The following ACTA2 variants were observed in gnomAD, a reference collection of about 807,000 sequenced individuals.
The protein encoded by ACTA2 is actin, aortic smooth muscle.
A neutral mutation model predicts 39.5 loss-of-function variants in ACTA2; 12 were observed. That is an observed-to-expected ratio of 0.30 (90% CI 0.19 to 0.49). The LOEUF (loss-of-function observed/expected upper bound fraction) is 0.49. Ranked by LOEUF, ACTA2 falls within the 20% of genes least tolerant of loss-of-function variation. ACTA2 has a pLI of 0.99. For missense variants in ACTA2, 236 were observed against 498.8 expected, an observed-to-expected ratio of 0.47 and a Z score of 5.02; for synonymous variants, 158 against 180.6, an observed-to-expected ratio of 0.88 and a Z score of 1.00.
In ACTA2 at chr10:88,989,452, C is replaced by A. The variant is rs117215034; in HGVS notation, c.-24+1487G>T. On this transcript the variant is annotated intron_variant, in intron 1 of 4. Coordinates refer to the ACTA2 transcript ENST00000415557. ...ATATACCATCCTCCTTATCCCACTT[C>A]TTTTTGTGTCTATTAGATGCTCAGA... 5.6e-3 allele frequency: 3,034 copies of A among 540,500 alleles called. 16 individuals are homozygous for A. The highest frequency in any genetic ancestry group is 6.9e-3 in the Non-Finnish European group (1,881 of 272,374). 33.5% of individuals were successfully genotyped at this position (540,500 alleles called of 1,614,324 possible).
In ACTA2 at chr10:88,938,048, C is replaced by T; in HGVS notation, c.990+13G>A. The T allele has an allele frequency of 6.2e-7, 1 of 1,613,846 alleles. No homozygotes were observed. The highest frequency in any genetic ancestry group is 8.5e-7 in the Non-Finnish European group (1 of 1,179,858). On this transcript the variant is annotated intron_variant, in intron 8 of 8. Transcript: ENST00000224784. ...CTGGCGGCATTGCCACTGGGTCTGTCACTGAACAGTACCTTGATCTTCATG... is the reference window on the plus strand; with the variant it reads ...CTGGCGGCATTGCCACTGGGTCTGTTACTGAACAGTACCTTGATCTTCATG...
At chr10:88,991,221 G>C (rs887949957) in exon 1 of ACTA2, 6 of 540,634 alleles carry the variant, frequency 1.1e-5, no homozygotes, top group East Asian at 3.1e-5. Flanking sequence ...AGGTGGGCGT[G>C]GGGTGCGGAC....
intron 1 of ACTA2, among the ~76,000 whole-genome samples, chr10:88,960,864 G>A (rs1027504036): frequency 6.6e-6 from 1 of 152,170 alleles, no homozygotes; most frequent in African/African-American, 2.4e-5. Context: ...TACTATTGCT[G>A]CTTATAAGCC....
intron 1 of ACTA2, among the ~76,000 whole-genome samples, chr10:88,972,405 T>A (rs1414264777): frequency 6.6e-6 from 1 of 152,188 alleles, no homozygotes; most frequent in East Asian, 1.9e-4. Flanking sequence ...AGGAAAAAAA[T>A]TGATCTCCTT....
intron 1 of ACTA2, among the ~76,000 whole-genome samples, chr10:88,949,891 AT>A (rs1446702068): frequency 1.3e-5 from 2 of 152,016 alleles, no homozygotes; most frequent in Non-Finnish European, 2.9e-5. Flanking sequence ...GTTCTGTCAT[AT>A]TTTTTTAATT....
intron 1 of ACTA2, among the ~76,000 whole-genome samples, chr10:88,987,774 T>C (rs920217604): frequency 1.3e-5 from 2 of 152,242 alleles, no homozygotes; most frequent in Non-Finnish European, 2.9e-5. Flanking sequence ...GTTAATTTTA[T>C]GTATCAAATT....
Position 88,939,632 on chromosome 10 carries a change from TC to T in ACTA2, c.682del (p.Glu228ArgfsTer22). ...LCYVALDFENEMATAASSSSL... is the reference protein window; with the variant it reads ...LCYVALDFENXMATAASSSSL... ...GGATGAGGATGCGGCAGTGGCCATC[TC>T]ATTTTCAAAGTCCAGAGCTACATAA... On this transcript the variant is annotated frameshift_variant, in exon 7 of 9. Coordinates refer to ENST00000224784, the MANE Select transcript of ACTA2 (RefSeq NM_001613.4). LOFTEE classifies it high-confidence loss of function. 1 of 1,614,106 alleles carries T rather than the reference TC, an allele frequency of 6.2e-7. No individual in the cohort carries two copies. The highest frequency in any genetic ancestry group is 8.5e-7 in the Non-Finnish European group (1 of 1,179,974).
chr10:88,988,168 C>A (rs1444546455), intron 1 of ACTA2, among the ~76,000 whole-genome samples: 1 of 152,076 alleles, frequency 6.6e-6, no homozygotes, highest in Non-Finnish European at 1.5e-5. Context: ...ACTAAAAGAA[C>A]CACTCACATC....
chr10:88,973,200 G>C lies in ACTA2; in HGVS notation c.-24+17739C>G, dbSNP rs1024910258. The C allele has an allele frequency of 2.5e-6, 4 of 1,611,824 alleles. No homozygotes were observed. The African/African-American group carries it at 5.3e-5, about 22-fold the overall frequency. ...CCTATAGATTCAGAAATTCCTTTCT[G>C]GGATAATTTCTGGCACTGCTTTGGA... On this transcript the variant is annotated intron_variant, in intron 1 of 4. Transcript: ENST00000415557.
chr10:88,961,508 T>C (rs1846225496), intron 1 of ACTA2, among the ~76,000 whole-genome samples: 1 of 152,174 alleles, frequency 6.6e-6, no homozygotes, highest in Non-Finnish European at 1.5e-5. Flanking sequence ...ACATATGCAA[T>C]GTGCACTTAG....
At chr10:88,960,776 G>A (rs1212434521) in intron 1 of ACTA2, among the ~76,000 whole-genome samples, 3 of 150,634 alleles carry the variant, frequency 2.0e-5, no homozygotes, top group South Asian at 4.2e-4. Context: ...CGGTGTAAAG[G>A]GTGATTCAGA....
chr10:88,948,759 C>A (rs373332226), intron 2 of ACTA2, 43 bp downstream of exon 2: 35 of 1,612,340 alleles, frequency 2.2e-5, no homozygotes, highest in Non-Finnish European at 2.9e-5. Context: ...CACAGAGGAA[C>A]CTAATCTGTG....
intron 8 of ACTA2, 49 bp downstream of exon 8, chr10:88,938,012 G>T: frequency 6.2e-7 from 1 of 1,605,466 alleles, no homozygotes; most frequent in Non-Finnish European, 8.5e-7. Flanking sequence ...GTGGTTATAG[G>T]GCTGACACTG....
chr10:88,939,406 G>A (rs762014145), intron 7 of ACTA2, 101 bp downstream of exon 7: 8 of 1,483,892 alleles, frequency 5.4e-6, no homozygotes, highest in South Asian at 1.1e-5. Flanking sequence ...AATGCTTTTG[G>A]TCTTGGGGCA....
chr10:88,966,402 G>A (rs916280495), intron 1 of ACTA2, among the ~76,000 whole-genome samples: 3 of 152,152 alleles, frequency 2.0e-5, no homozygotes, highest in African/African-American at 4.8e-5. Flanking sequence ...TGGCTTTGAA[G>A]AGTTCACTAA....
rs1364963518 is a variant in ACTA2, at chr10:88,945,722, G to A, written c.258+1536C>T. Among the ~76,000 whole-genome samples the A allele has an allele frequency of 9.2e-5, 14 of 152,246 alleles. No individual in the cohort carries two copies. In the East Asian group the frequency reaches 2.7e-3, roughly 29 times the overall value. On this transcript the variant is annotated intron_variant, in intron 3 of 8. Coordinates refer to ENST00000224784, the MANE Select transcript of ACTA2 (RefSeq NM_001613.4). ...TGGCTCTTGTGCTTCAGTGTGTGGA[G>A]AGGCATTCAGAAATGTACCAAACCT...
chr10:88,935,382 A>G lies in ACTA2; in HGVS notation c.991-16T>C. ...GGGCAATGATCTGTCAGTCAAGATGAAAAAGAATGGTCATTAATGTCATCA... is the reference window on the plus strand; with the variant it reads ...GGGCAATGATCTGTCAGTCAAGATGGAAAAGAATGGTCATTAATGTCATCA... On this transcript the variant is annotated splice_polypyrimidine_tract_variant and intron_variant, in intron 8 of 8. Coordinates refer to ENST00000224784, the MANE Select transcript of ACTA2 (RefSeq NM_001613.4). The G allele has an allele frequency of 6.2e-7, 1 of 1,613,376 alleles. No individual in the cohort carries two copies. The highest frequency in any genetic ancestry group is 1.1e-5 in the South Asian group (1 of 91,080).
intron 1 of ACTA2, among the ~76,000 whole-genome samples, chr10:88,976,858 T>C (rs1239085108): frequency 6.6e-6 from 1 of 152,248 alleles, no homozygotes; most frequent in Non-Finnish European, 1.5e-5. Context: ...TTTCATTAAA[T>C]ATTATTAGAG....
At chr10:88,943,711 C>G in intron 4 of ACTA2, 86 bp downstream of exon 4, 1 of 1,139,928 alleles carries the variant, frequency 8.8e-7, no homozygotes, top group Non-Finnish European at 1.3e-6. Context: ...CTAGCTCCGG[C>G]CTTCTCTCTG....
Sources: gnomAD v4.1 joint callset for allele counts (sites outside exome capture counted in the v4.1 genomes callset) on GRCh38, gnomAD v4.1.1 for gene constraint, MANE v1.5 for transcripts, NCBI Gene and HGNC (gene_info 2026-07-23, HGNC 2026-07-21) for gene names.